The following TENM4 variants were observed in gnomAD, a reference collection of about 807,000 sequenced individuals.
TENM4 encodes the protein teneurin-4.
In TENM4, 82 loss-of-function variants were observed where a neutral mutation model predicts 243.3. The ratio of observed to expected loss-of-function variants is 0.34; its 90% CI spans 0.28 to 0.40. The LOEUF (loss-of-function observed/expected upper bound fraction) is 0.40. TENM4 is among the 10% of genes least tolerant of loss of function. The probability of loss-of-function intolerance (pLI) is 1.00; values close to 1 mark genes in which losing one functional copy is unlikely to be tolerated. For missense variants in TENM4, 3,138 were observed against 3,673.3 expected (o/e 0.85, Z 3.77); for synonymous variants, 1,412 against 1,456.3 (o/e 0.97, Z 0.69).
intron 6 of TENM4, among the ~76,000 whole-genome samples, chr11:78,938,424 C>T (rs540816198): frequency 4.6e-5 from 7 of 152,134 alleles, no homozygotes; most frequent in Non-Finnish European, 8.8e-5. Context: ...TTAAGGAACA[C>T]GTCCATGTTT....
At position 79,368,056 on chromosome 11, in the gene TENM4, C is replaced by T. The variant is rs866750469; in HGVS notation, c.-320-70513G>A. 5.3e-5 allele frequency among the ~76,000 whole-genome samples: 8 copies of T among 152,210 alleles called. 1 individual carries two copies. The highest frequency in any genetic ancestry group is 2.1e-4 in the South Asian group (1 of 4,816). The stretch of plus-strand genomic sequence containing the variant: ...GAGGCAAAGTCCTACCATGTGAGTT[C>T]GCTGCGGCCCTTGGGGATTCGGGGC... On this transcript the variant is annotated intron_variant, in intron 1 of 33. Coordinates refer to ENST00000278550, the MANE Select transcript of TENM4 (RefSeq NM_001098816.3).
At position 79,161,922 on chromosome 11, in the gene TENM4, A is replaced by T. The variant is rs187122603; in HGVS notation, c.-162-13116T>A. ...AGCTAATCCACAGCACAACATGGAC[A>T]CAGGTACTATCATTACCCCCAGTTA... is the stretch of plus-strand genomic sequence containing the variant. On this transcript the variant is annotated intron_variant, in intron 3 of 33. Coordinates refer to ENST00000278550, the MANE Select transcript of TENM4 (RefSeq NM_001098816.3). Among the ~76,000 whole-genome samples, 26 of 152,308 alleles carry T rather than the reference A, an allele frequency of 1.7e-4. No homozygotes were observed. In the East Asian group the frequency reaches 3.9e-3, roughly 23 times the overall value.
intron 6 of TENM4, among the ~76,000 whole-genome samples, chr11:79,045,970 G>C (rs776181805): frequency 2.0e-5 from 3 of 152,186 alleles, no homozygotes; most frequent in Non-Finnish European, 4.4e-5. Flanking sequence ...TAACTGCACT[G>C]ACATTGTCAC....
chr11:79,160,211 T>C (rs887506896), intron 3 of TENM4, among the ~76,000 whole-genome samples: 2 of 152,122 alleles, frequency 1.3e-5, no homozygotes, highest in African/African-American at 4.8e-5. Flanking sequence ...CATTTTAACA[T>C]CCTGCTTGTT....
chr11:79,425,416 C>A (rs1371859871), intron 1 of TENM4, among the ~76,000 whole-genome samples: 1 of 152,226 alleles, frequency 6.6e-6, no homozygotes, highest in East Asian at 1.9e-4. Flanking sequence ...GCTCTCCCCA[C>A]ATCCCTAGCA....
chr11:78,883,918 C>T (rs542177079), intron 9 of TENM4, among the ~76,000 whole-genome samples: 7 of 152,340 alleles, frequency 4.6e-5, no homozygotes, highest in South Asian at 2.1e-4. Flanking sequence ...GTGACTAACA[C>T]GGGCCAGGAA....
At position 78,657,291 on chromosome 11, in the gene TENM4, T is replaced by G; in HGVS notation, c.*767A>C. 2 of 398,198 alleles carry G rather than the reference T, an allele frequency of 5.0e-6. No individual in the cohort carries two copies. The highest frequency in any genetic ancestry group is 8.8e-6 in the Non-Finnish European group (2 of 226,196). The allele number at this position is 398,198 out of a possible 1,614,324, so 24.7% of individuals were successfully genotyped here. ...AGCCCAGGATGTTATGTCACTGGTC[T>G]GGGGGAAAGGACCTGGGAGACACTT... On this transcript the variant is annotated 3_prime_UTR_variant, in exon 34 of 34. Transcript: ENST00000278550.
At chr11:79,314,873 C>G (rs1369932024) in intron 1 of TENM4, among the ~76,000 whole-genome samples, 1 of 152,190 alleles carries the variant, frequency 6.6e-6, no homozygotes, top group African/African-American at 2.4e-5. Context: ...TCTGATTTAA[C>G]TGGTCTGTGT....
At chr11:78,863,227 C>G (rs748027598) in intron 9 of TENM4, 95 bp from the exon 10 acceptor site, 2 of 1,340,574 alleles carry the variant, frequency 1.5e-6, no homozygotes, top group Non-Finnish European at 2.0e-6. Flanking sequence ...TGGGGGAACA[C>G]AGGCATTCAG....
intron 1 of TENM4, among the ~76,000 whole-genome samples, chr11:79,352,775 G>A (rs376955033): frequency 2.0e-5 from 3 of 152,150 alleles, no homozygotes; most frequent in African/African-American, 4.8e-5. Context: ...GGAAGAGAGC[G>A]GGAGACAAAA....
At chr11:78,988,668 C>G (rs1478793017) in intron 6 of TENM4, among the ~76,000 whole-genome samples, 2 of 152,090 alleles carry the variant, frequency 1.3e-5, no homozygotes, top group Admixed American at 1.3e-4. Context: ...TTTTCACAAT[C>G]CCCCCACTCC....
chr11:78,721,021 G>C (rs888624592), intron 24 of TENM4, among the ~76,000 whole-genome samples: 3 of 152,166 alleles, frequency 2.0e-5, no homozygotes, highest in African/African-American at 7.2e-5. Flanking sequence ...GTGGGAGGGA[G>C]GCAGGGAAAA....
intron 6 of TENM4, among the ~76,000 whole-genome samples, chr11:78,962,766 G>C (rs921024509): frequency 1.3e-5 from 2 of 152,220 alleles, no homozygotes; most frequent in Admixed American, 6.5e-5. Context: ...GCCCCTATAA[G>C]CTGGCCATTC....
At chr11:78,716,676 C>G (rs565884478) in intron 25 of TENM4, among the ~76,000 whole-genome samples, 2 of 152,306 alleles carry the variant, frequency 1.3e-5, no homozygotes, top group South Asian at 4.1e-4. Context: ...GGCATCTATA[C>G]CTTTGAGATC....
intron 22 of TENM4, among the ~76,000 whole-genome samples, chr11:78,726,833 C>T (rs780587407): frequency 1.3e-5 from 2 of 152,210 alleles, no homozygotes; most frequent in Non-Finnish European, 2.9e-5. Context: ...GCTTCCTGTA[C>T]AGCCTGCAGA....
intron 19 of TENM4, among the ~76,000 whole-genome samples, chr11:78,741,357 G>T (rs1348036335): frequency 1.3e-5 from 2 of 152,056 alleles, no homozygotes; most frequent in Admixed American, 1.3e-4. Flanking sequence ...TGCAGCGTTT[G>T]CTCATTTCTG....
At chr11:79,174,362 G>C (rs1411557232) in intron 3 of TENM4, among the ~76,000 whole-genome samples, 2 of 152,008 alleles carry the variant, frequency 1.3e-5, no homozygotes, top group Non-Finnish European at 2.9e-5. Flanking sequence ...GAAAGACTGG[G>C]CTGGAATTTT....
At chr11:78,751,978 C>T (rs550878978) in intron 19 of TENM4, among the ~76,000 whole-genome samples, 1 of 152,318 alleles carries the variant, frequency 6.6e-6, no homozygotes, top group African/African-American at 2.4e-5. Context: ...GGGACCCGGG[C>T]ATCCAGGCCA....
At chr11:79,244,067 C>T (rs1565265845) in intron 2 of TENM4, among the ~76,000 whole-genome samples, 1 of 152,172 alleles carries the variant, frequency 6.6e-6, no homozygotes, top group Non-Finnish European at 1.5e-5. Context: ...GTTCTTAAAC[C>T]TTAGCAAGCA....
Sources: allele counts gnomAD v4.1 joint callset (sites outside exome capture counted in the v4.1 genomes callset), GRCh38; gene constraint gnomAD v4.1.1; transcripts MANE v1.5; gene names NCBI Gene and HGNC (gene_info 2026-07-23, HGNC 2026-07-21).